The following CNTNAP5 variants were observed in gnomAD, a reference collection of about 807,000 sequenced individuals.
The protein encoded by CNTNAP5 is contactin-associated protein-like 5.
Under a neutral mutation model 150.2 loss-of-function variants are expected in CNTNAP5, and 72 were observed. That is an observed-to-expected ratio of 0.48 (90% CI 0.40 to 0.58). The LOEUF (loss-of-function observed/expected upper bound fraction) is 0.58, where lower values mean the gene tolerates loss of function less well. Among genes scored for constraint, CNTNAP5 ranks in the 20% least tolerant of loss-of-function variants. The pLI is 0.00. For synonymous variants in CNTNAP5, 672 were observed against 619.8 expected (o/e 1.08, Z -1.25); for missense variants, 1,636 against 1,626.2 (o/e 1.01, Z -0.10).
rs148022176 is a variant in CNTNAP5 at position 124,766,847 on chromosome 2, T to A, written c.2533+2700T>A. 7.3e-3 allele frequency among the ~76,000 whole-genome samples: 1,107 copies of A among 152,296 alleles called. 13 individuals are homozygous for A. Among genetic ancestry groups the A allele is most frequent in the African/African-American group, 0.023 (958 of 41,564 alleles). On this transcript the variant is annotated intron_variant, in intron 16 of 23. Coordinates refer to ENST00000682447, the MANE Select transcript of CNTNAP5 (RefSeq NM_001367498.1). ...GTGGTACTGTATTTTAGAATTACAT[T>A]TGACAAAAATCAAAACCCACTGAAG...
chr2:124,575,856 T>A (rs1696271605), intron 11 of CNTNAP5, among the ~76,000 whole-genome samples: 1 of 152,220 alleles, frequency 6.6e-6, no homozygotes, highest in African/African-American at 2.4e-5. Flanking sequence ...GAAATATACT[T>A]ATATCCATTC....
At chr2:124,861,422 A>G (rs1677521402) in intron 19 of CNTNAP5, among the ~76,000 whole-genome samples, 1 of 151,702 alleles carries the variant, frequency 6.6e-6, no homozygotes, top group African/African-American at 2.4e-5. Flanking sequence ...AAAATACAAA[A>G]ATAAATAAAT....
chr2:124,598,989 G>A (rs1368670701), intron 11 of CNTNAP5, among the ~76,000 whole-genome samples: 2 of 152,008 alleles, frequency 1.3e-5, no homozygotes, highest in Non-Finnish European at 2.9e-5. Context: ...GCAATGCCTC[G>A]CCCTGCTTCG....
At chr2:124,227,601 A>T (rs1335550731) in intron 2 of CNTNAP5, among the ~76,000 whole-genome samples, 3 of 151,632 alleles carry the variant, frequency 2.0e-5, no homozygotes, top group African/African-American at 4.8e-5. Context: ...ATATAAACTC[A>T]TAGGTCTTAT....
At chr2:124,780,500 A>G (rs2104619762) in intron 17 of CNTNAP5, among the ~76,000 whole-genome samples, 1 of 152,308 alleles carries the variant, frequency 6.6e-6, no homozygotes, top group East Asian at 1.9e-4. Flanking sequence ...TAAAGGGGAA[A>G]GTTTCTTGCC....
At chr2:124,871,734 C>T (rs1408093185) in intron 21 of CNTNAP5, among the ~76,000 whole-genome samples, 1 of 152,032 alleles carries the variant, frequency 6.6e-6, no homozygotes, top group Non-Finnish European at 1.5e-5. Context: ...TAAAGTCATC[C>T]TTTTTTCTTT....
intron 22 of CNTNAP5, among the ~76,000 whole-genome samples, chr2:124,909,076 A>T (rs1300529220): frequency 6.6e-6 from 1 of 152,162 alleles, no homozygotes; most frequent in Non-Finnish European, 1.5e-5. Flanking sequence ...GTGTAGCCTA[A>T]GAGTAAAGTG....
chr2:124,044,925 C>T (rs556967067), intron 1 of CNTNAP5, among the ~76,000 whole-genome samples: 1 of 141,418 alleles, frequency 7.1e-6, no homozygotes, highest in East Asian at 2.0e-4. Context: ...CACACACACA[C>T]ACACACATGA....
rs1247396975 is a variant in CNTNAP5, at chr2:124,920,048, T to C, written c.*5760T>C. Among the ~76,000 whole-genome samples, 1 of 152,110 alleles carries C rather than the reference T, an allele frequency of 6.6e-6. No individual in the cohort carries two copies. Among genetic ancestry groups the C allele is most frequent in the East Asian group, 1.9e-4 (1 of 5,150 alleles). ...CTGACAACGAGTACCGCCAGGGACC[T>C]ACCATCTAACACCATCTGGGAACAC... On this transcript the variant is annotated 3_prime_UTR_variant, in exon 24 of 24. Coordinates refer to ENST00000682447, the MANE Select transcript of CNTNAP5 (RefSeq NM_001367498.1).
intron 13 of CNTNAP5, among the ~76,000 whole-genome samples, chr2:124,679,820 C>T (rs1679025054): frequency 6.6e-6 from 1 of 151,860 alleles, no homozygotes. Flanking sequence ...CCACCTCGGC[C>T]TCCCTAAGTG....
intron 1 of CNTNAP5, among the ~76,000 whole-genome samples, chr2:124,145,837 A>AAAAAAAAAAAAAAAAAAAG (rs1684236493): frequency 2.1e-5 from 1 of 46,962 alleles, no homozygotes; most frequent in African/African-American, 9.4e-5. Context: ...AAGAAGAAAA[A>AAAAAAAAAAAAAAAAAAAG]AAAAAAAAAT....
intron 13 of CNTNAP5, among the ~76,000 whole-genome samples, chr2:124,710,376 C>A (rs1322200354): frequency 6.6e-6 from 1 of 152,128 alleles, no homozygotes; most frequent in Non-Finnish European, 1.5e-5. Flanking sequence ...ATAAAACAAG[C>A]TTTGGTAGGG....
chr2:124,245,698 C>T (rs553332200), intron 3 of CNTNAP5, among the ~76,000 whole-genome samples: 2 of 110,662 alleles, frequency 1.8e-5, no homozygotes, highest in African/African-American at 7.4e-5. Context: ...TATATATATA[C>T]ACACAAATAT....
intron 13 of CNTNAP5, among the ~76,000 whole-genome samples, chr2:124,696,509 A>C (rs1224766294): frequency 6.6e-6 from 1 of 152,174 alleles, no homozygotes; most frequent in African/African-American, 2.4e-5. Context: ...TAGTGGCCAT[A>C]GTCAGCCCTG....
chr2:124,292,101 G>T (rs1688309303), intron 3 of CNTNAP5, among the ~76,000 whole-genome samples: 1 of 152,066 alleles, frequency 6.6e-6, no homozygotes, highest in South Asian at 2.1e-4. Flanking sequence ...TTTTAGGCAT[G>T]CTACAGTGCA....
chr2:124,617,199 C>T (rs1677510889), intron 12 of CNTNAP5, among the ~76,000 whole-genome samples: 1 of 151,658 alleles, frequency 6.6e-6, no homozygotes, highest in Admixed American at 6.6e-5. Flanking sequence ...AGGGTTGCCA[C>T]AAATCTTCAC....
chr2:124,397,876 GA>G (rs34208094), intron 3 of CNTNAP5, among the ~76,000 whole-genome samples: 16,736 of 152,094 alleles, frequency 0.11, 1,039 homozygotes, highest in East Asian at 0.26. Flanking sequence ...GTGAAATGAA[GA>G]ATGAAAAATC....
At chr2:124,375,263 T>C (rs1269101288) in intron 3 of CNTNAP5, among the ~76,000 whole-genome samples, 3 of 151,936 alleles carry the variant, frequency 2.0e-5, no homozygotes, top group African/African-American at 7.2e-5. Flanking sequence ...AAAAAAACAG[T>C]AAATTTCTTT....
At chr2:124,206,813 G>A (rs1006698018) in intron 1 of CNTNAP5, among the ~76,000 whole-genome samples, 1 of 152,162 alleles carries the variant, frequency 6.6e-6, no homozygotes, top group Non-Finnish European at 1.5e-5. Context: ...AGTAATAGGG[G>A]ACAGAAGCCT....
Sources: allele counts gnomAD v4.1 joint callset (sites outside exome capture counted in the v4.1 genomes callset), GRCh38; gene constraint gnomAD v4.1.1; transcripts MANE v1.5; gene names NCBI Gene and HGNC (gene_info 2026-07-23, HGNC 2026-07-21).